Variants in BRINP2 observed in about 807,000 individuals in gnomAD.
The protein encoded by BRINP2 is BMP/retinoic acid-inducible neural-specific protein 2.
BRINP2 carries 21 observed loss-of-function variants against 69.2 expected under a neutral mutation model. The ratio of observed to expected loss-of-function variants is 0.30; its 90% CI spans 0.22 to 0.44. The LOEUF is 0.44. Among genes scored for constraint, BRINP2 ranks in the 20% least tolerant of loss-of-function variants. The probability of loss-of-function intolerance (pLI) is 1.00; values close to 1 mark genes in which losing one functional copy is unlikely to be tolerated. For missense variants in BRINP2, 877 were observed against 986.0 expected, an observed-to-expected ratio of 0.89 and a Z score of 1.48; for synonymous variants, 380 against 394.1, an observed-to-expected ratio of 0.96 and a Z score of 0.42.
intron 1 of BRINP2, among the ~76,000 whole-genome samples, chr1:177,184,565 A>G (rs913556958): frequency 3.9e-5 from 6 of 152,172 alleles, no homozygotes; most frequent in South Asian, 2.1e-4. Context: ...AGGTCCTACA[A>G]TGATGCGAAG....
At chr1:177,220,863 C>T (rs1455515951) in intron 1 of BRINP2, among the ~76,000 whole-genome samples, 1 of 152,150 alleles carries the variant, frequency 6.6e-6, no homozygotes, top group Non-Finnish European at 1.5e-5. Context: ...GTTTTTGAGA[C>T]AGCACAGGTG....
intron 1 of BRINP2, among the ~76,000 whole-genome samples, chr1:177,226,016 C>T (rs756094336): frequency 6.6e-6 from 1 of 152,228 alleles, no homozygotes; most frequent in African/African-American, 2.4e-5. Context: ...CAGGTTCTAG[C>T]ACATTGTGAG....
In BRINP2 at chr1:177,201,512, T is replaced by C. The variant is rs1030117070; in HGVS notation, c.-76-28289T>C. Among the ~76,000 whole-genome samples the C allele has an allele frequency of 4.6e-5, 7 of 152,362 alleles. No homozygotes were observed. The South Asian group carries it at 6.2e-4, about 14-fold the overall frequency. ...TCAGCCTTCATAGTAACAAACACTT[T>C]GCTTAGATATAGTTAGTTAACACTG... On this transcript the variant is annotated intron_variant, in intron 1 of 7. Transcript: ENST00000361539.
intron 1 of BRINP2, among the ~76,000 whole-genome samples, chr1:177,172,996 G>C (rs1161491091): frequency 6.6e-6 from 1 of 152,166 alleles, no homozygotes; most frequent in Non-Finnish European, 1.5e-5. Context: ...TAAAATACAT[G>C]CAATGCCAGT....
chr1:177,278,960 G>A lies in BRINP2; in HGVS notation c.1235+175G>A, dbSNP rs114102940. Among the ~76,000 whole-genome samples the A allele has an allele frequency of 7.7e-3, 1,173 of 152,278 alleles. 11 individuals carry two copies. The highest frequency in any genetic ancestry group is 0.025 in the African/African-American group (1,055 of 41,534). ...TTCTCAGCTGTGAGTTGCGTCTGAA[G>A]TGAGAGAGAGAAAAAAAGATGGGCT... On this transcript the variant is annotated intron_variant, in intron 7 of 7. Transcript: ENST00000361539.
chr1:177,235,746 G>C (rs1650001703), intron 2 of BRINP2, among the ~76,000 whole-genome samples: 1 of 152,124 alleles, frequency 6.6e-6, no homozygotes, highest in Admixed American at 6.5e-5. Flanking sequence ...AGTCTGCCTG[G>C]GTAAATCCCA....
intron 2 of BRINP2, among the ~76,000 whole-genome samples, chr1:177,235,814 C>T (rs568059568): frequency 3.3e-5 from 5 of 152,220 alleles, no homozygotes; most frequent in Non-Finnish European, 5.9e-5. Context: ...CATTATCACG[C>T]GGCTTCAGGG....
At chr1:177,190,122 T>C (rs117259028) in intron 1 of BRINP2, among the ~76,000 whole-genome samples, 1 of 152,180 alleles carries the variant, frequency 6.6e-6, no homozygotes, top group African/African-American at 2.4e-5. Context: ...CTAGGCTGAC[T>C]CCAGACTAGA....
At position 177,257,256 on chromosome 1, in the gene BRINP2, G is replaced by C. The variant is rs369411788; in HGVS notation, c.541G>C (p.Gly181Arg). ...GACAACAGGAGGTGCCTCTATAATC[G>C]GGGGCAGTGGGAACAGCACAGCTGT... ...TETTGGASII[G>R]GSGNSTAVSL... Residue 181 changes from glycine to arginine, a missense_variant, in exon 4 of 8, where the codon GGG (glycine) becomes CGG (arginine). By Grantham distance (125) the Gly-to-Arg change is moderately radical. Coordinates refer to ENST00000361539, the MANE Select transcript of BRINP2 (RefSeq NM_021165.4). 2.5e-6 allele frequency: 4 copies of C among 1,613,886 alleles called. No homozygotes were observed. In the South Asian group the frequency reaches 3.3e-5, roughly 13 times the overall value.
Position 177,230,020 on chromosome 1 carries a change from C to A in BRINP2, c.144C>A (p.Ser48=). 6.2e-7 allele frequency: 1 copy of A among 1,613,674 alleles called. No individual in the cohort carries two copies. The highest frequency in any genetic ancestry group is 8.5e-7 in the Non-Finnish European group (1 of 1,179,988). Residue 48 remains serine (S), a synonymous_variant, in exon 2 of 8, where the codon TCC becomes TCA. Transcript: ENST00000361539. The part of the protein sequence containing the change: ...AAAVVPEQHA[S]VAGQHPLDWL... ...CTGTGGTCCCCGAGCAGCATGCCTC[C>A]GTAGCTGGCCAGCATCCCCTGGACT...
intron 1 of BRINP2, among the ~76,000 whole-genome samples, chr1:177,191,072 C>T (rs1648582453): frequency 6.6e-6 from 1 of 152,168 alleles, no homozygotes; most frequent in Non-Finnish European, 1.5e-5. Flanking sequence ...CTCCAGAGAG[C>T]GTTGTCCTTC....
intron 5 of BRINP2, among the ~76,000 whole-genome samples, chr1:177,275,424 C>G (rs1340436692): frequency 1.3e-5 from 2 of 152,128 alleles, no homozygotes; most frequent in African/African-American, 4.8e-5. Context: ...GAGTTAAATC[C>G]TATTGAAATA....
rs199835029 is a variant in BRINP2 at position 177,255,880 on chromosome 1, C to G, written c.270-39C>G. On this transcript the variant is annotated intron_variant, in intron 2 of 7. Coordinates refer to ENST00000361539, the MANE Select transcript of BRINP2 (RefSeq NM_021165.4). ...AGATTTTATGCCTCTTGCTCTGAAA[C>G]GAGGTCAGCTTTTCCTTATCCCTTG... 20 of 1,594,346 alleles carry G rather than the reference C, an allele frequency of 1.3e-5. No individual in the cohort carries two copies. In the African/African-American group the frequency reaches 2.2e-4, roughly 17 times the overall value.
intron 4 of BRINP2, among the ~76,000 whole-genome samples, chr1:177,263,614 A>G (rs1034284513): frequency 1.3e-5 from 2 of 152,148 alleles, no homozygotes; most frequent in East Asian, 3.9e-4. Context: ...TTGAGATTAT[A>G]TGGGATTTTG....
rs145550803 is a variant in BRINP2, at chr1:177,191,937, C to G, written c.-77+20205C>G. Among the ~76,000 whole-genome samples the G allele has an allele frequency of 3.9e-5, 6 of 152,290 alleles. No individual in the cohort carries two copies. In the East Asian group the frequency reaches 1.2e-3, roughly 29 times the overall value. On this transcript the variant is annotated intron_variant, in intron 1 of 7. Coordinates refer to ENST00000361539, the MANE Select transcript of BRINP2 (RefSeq NM_021165.4). ...GATCTATTTTCTTTGTTATATAAAA[C>G]ATGTATTTCTTCTTGTGTTTTCTTT...
intron 6 of BRINP2, among the ~76,000 whole-genome samples, chr1:177,277,359 A>T (rs1651533613): frequency 1.3e-5 from 2 of 152,014 alleles, no homozygotes; most frequent in Admixed American, 1.3e-4. Context: ...GGATAGAGAG[A>T]AAGGGAAGTT....
At chr1:177,210,840 T>C (rs1271665195) in intron 1 of BRINP2, among the ~76,000 whole-genome samples, 1 of 151,252 alleles carries the variant, frequency 6.6e-6, no homozygotes, top group Non-Finnish European at 1.5e-5. Flanking sequence ...TCAGACTCAG[T>C]GTGAAAAAAA....
intron 1 of BRINP2, among the ~76,000 whole-genome samples, chr1:177,195,987 G>A (rs995930932): frequency 7.9e-5 from 12 of 152,122 alleles, no homozygotes; most frequent in Admixed American, 7.2e-4. Context: ...TCCTCCCTGG[G>A]TTATTTTAAG....
rs1158742345 is a variant in BRINP2, at chr1:177,256,039, T to A, written c.390T>A (p.Asn130Lys). 1 of 1,614,100 alleles carries A rather than the reference T, an allele frequency of 6.2e-7. No homozygotes were observed. Among genetic ancestry groups the A allele is most frequent in the African/African-American group, 1.3e-5 (1 of 74,934 alleles). ...RNIRLLGRRP[N>K]LQQVTENLIK... ...TTCGCCTCCTTGGAAGGAGACCCAATCTGCAACAGGTTACAGAAAATCTGA... is the reference window on the plus strand; with the variant it reads ...TTCGCCTCCTTGGAAGGAGACCCAAACTGCAACAGGTTACAGAAAATCTGA... The change falls in exon 3 of 8, where the codon AAT becomes AAA. Residue 130 changes from asparagine (N) to lysine (K), a missense_variant. Asn to Lys is a moderately conservative substitution (Grantham distance 94, BLOSUM62 0). Coordinates refer to ENST00000361539, the MANE Select transcript of BRINP2 (RefSeq NM_021165.4).
Sources: gnomAD v4.1 joint callset for allele counts (sites outside exome capture counted in the v4.1 genomes callset) on GRCh38, gnomAD v4.1.1 for gene constraint, MANE v1.5 for transcripts, NCBI Gene and HGNC (gene_info 2026-07-23, HGNC 2026-07-21) for gene names.